CHODL: variants seen among roughly 807,000 people sequenced by gnomAD.
CHODL encodes transmembrane protein MT75.
Under a neutral mutation model 34.5 loss-of-function variants are expected in CHODL, and 29 were observed. The observed-to-expected ratio is 0.84, with a 90% confidence interval of 0.63 to 1.15. The LOEUF (loss-of-function observed/expected upper bound fraction) is 1.15, where lower values mean the gene tolerates loss of function less well. Among genes scored for constraint, CHODL ranks in the 50% most tolerant of loss-of-function variants. The pLI is 0.00. For synonymous variants in CHODL, 125 were observed against 116.1 expected, an observed-to-expected ratio of 1.08 and a Z score of -0.49; for missense variants, 332 against 332.5, an observed-to-expected ratio of 1.00 and a Z score of 0.01.
At chr21:18,206,270 T>C (rs2073710704) in intron 2 of CHODL, among the ~76,000 whole-genome samples, 1 of 152,194 alleles carries the variant, frequency 6.6e-6, no homozygotes, top group African/African-American at 2.4e-5. Context: ...GAAGTTGATC[T>C]CTCTCATTAG....
intron 1 of CHODL, among the ~76,000 whole-genome samples, chr21:17,941,909 G>A (rs2146331644): frequency 6.6e-6 from 1 of 152,192 alleles, no homozygotes; most frequent in East Asian, 1.9e-4. Context: ...TTGGTGGAAG[G>A]GTGATGCCAC....
Position 18,023,393 on chromosome 21 carries a change from C to T in CHODL, c.-144-4479C>T, listed in dbSNP as rs144516679. 3.8e-3 allele frequency among the ~76,000 whole-genome samples: 575 copies of T among 152,170 alleles called. 6 individuals carry two copies. Among genetic ancestry groups the T allele is most frequent in the African/African-American group, 0.013 (545 of 41,526 alleles). ...GAGCCAGTTCCAGCTGGTAGTCATA[C>T]AGGATGAGGCCACCCTGCAGAGATG... On this transcript the variant is annotated intron_variant, in intron 1 of 6. Transcript: ENST00000400127.
intron 2 of CHODL, among the ~76,000 whole-genome samples, chr21:18,150,536 C>T (rs2072951089): frequency 6.6e-6 from 1 of 152,098 alleles, no homozygotes; most frequent in African/African-American, 2.4e-5. Flanking sequence ...TTCCGGGTTG[C>T]AGATTGATGA....
chr21:18,120,839 T>A (rs1304119677), intron 2 of CHODL, among the ~76,000 whole-genome samples: 2 of 152,130 alleles, frequency 1.3e-5, no homozygotes, highest in African/African-American at 4.8e-5. Flanking sequence ...TGTGTTCAAA[T>A]TGCCTGTGCC....
chr21:17,966,429 T>A (rs1463699933), intron 1 of CHODL, among the ~76,000 whole-genome samples: 1 of 152,314 alleles, frequency 6.6e-6, no homozygotes, highest in South Asian at 2.1e-4. Flanking sequence ...AGAAAAATTG[T>A]TTGCCTTGCA....
intron 1 of CHODL, chr21:18,245,827 C>A: frequency 8.1e-7 from 1 of 1,232,582 alleles, no homozygotes; most frequent in Non-Finnish European, 1.1e-6. Flanking sequence ...AGCAGGACTA[C>A]TGGCAAGGAA....
chr21:17,974,335 C>T (rs887184194), intron 1 of CHODL, among the ~76,000 whole-genome samples: 11 of 152,132 alleles, frequency 7.2e-5, no homozygotes, highest in East Asian at 5.8e-4. Flanking sequence ...TGCAATGGTG[C>T]GGTCTTGGCT....
intron 1 of CHODL, among the ~76,000 whole-genome samples, chr21:18,010,857 A>C (rs939539814): frequency 6.6e-6 from 1 of 152,246 alleles, no homozygotes; most frequent in Non-Finnish European, 1.5e-5. Context: ...TGTTTGTTTA[A>C]GCAAGGTAAA....
At chr21:17,966,595 T>G (rs2063573737) in intron 1 of CHODL, among the ~76,000 whole-genome samples, 1 of 152,208 alleles carries the variant, frequency 6.6e-6, no homozygotes, top group African/African-American at 2.4e-5. Flanking sequence ...AGGCAGGGTG[T>G]AAGCCTCTGC....
At chr21:18,119,613 T>G (rs1211189840) in intron 2 of CHODL, among the ~76,000 whole-genome samples, 1 of 152,126 alleles carries the variant, frequency 6.6e-6, no homozygotes, top group Non-Finnish European at 1.5e-5. Flanking sequence ...TGTCTAAGCT[T>G]TGGGACTTGA....
chr21:18,189,539 G>A (rs2073485967), intron 2 of CHODL, among the ~76,000 whole-genome samples: 1 of 151,938 alleles, frequency 6.6e-6, no homozygotes, highest in South Asian at 2.1e-4. Flanking sequence ...GCATGGGAGG[G>A]AGTTTTATGA....
At chr21:18,074,186 G>C (rs773292854) in intron 2 of CHODL, among the ~76,000 whole-genome samples, 1 of 152,102 alleles carries the variant, frequency 6.6e-6, no homozygotes, top group Non-Finnish European at 1.5e-5. Context: ...TGATGGAAAA[G>C]ATCTCATTTT....
Position 18,174,121 on chromosome 21 carries a change from G to GTATATATATATA in CHODL, c.-44-82387_-44-82386insATATATATATAT, listed in dbSNP as rs1491107369. On this transcript the variant is annotated intron_variant, in intron 2 of 6. Transcript: ENST00000400127. The stretch of plus-strand genomic sequence containing the variant: ...AGGATATATATATATATATATCTTG[G>GTATATATATATA]TGTATATATATATATATATATATAT... 3.3e-4 allele frequency among the ~76,000 whole-genome samples: 20 copies of GTATATATATATA among 60,856 alleles called. 2 individuals carry two copies. The highest frequency in any genetic ancestry group is 2.3e-3 in the East Asian group (5 of 2,154). The allele number at this position is 60,856 out of a possible 152,430, so 39.9% of individuals were successfully genotyped here. A position where few individuals can be genotyped will look rare whatever the true frequency, so the allele number is the denominator to read the frequency against.
chr21:18,060,090 C>G (rs1273016980), intron 2 of CHODL, among the ~76,000 whole-genome samples: 3 of 152,102 alleles, frequency 2.0e-5, no homozygotes, highest in African/African-American at 7.2e-5. Flanking sequence ...GAAGTCCCCC[C>G]ACTGATCGCT....
chr21:17,972,443 G>A (rs564309415), intron 1 of CHODL, among the ~76,000 whole-genome samples: 1 of 152,296 alleles, frequency 6.6e-6, no homozygotes, highest in East Asian at 1.9e-4. Flanking sequence ...CTTCAGCAAA[G>A]TCTCAGGATA....
intron 1 of CHODL, among the ~76,000 whole-genome samples, chr21:18,252,463 A>G (rs768533405): frequency 2.0e-5 from 3 of 152,144 alleles, no homozygotes; most frequent in African/African-American, 4.8e-5. Flanking sequence ...AATTAGGGCA[A>G]CATTTGTTTC....
At chr21:18,030,134 T>C (rs369799025) in intron 2 of CHODL, among the ~76,000 whole-genome samples, 12 of 152,210 alleles carry the variant, frequency 7.9e-5, no homozygotes, top group African/African-American at 2.9e-4. Flanking sequence ...TTCTAACTAA[T>C]AGGATATGGC....
At chr21:18,003,277 T>C (rs1160643321) in intron 1 of CHODL, among the ~76,000 whole-genome samples, 1 of 151,786 alleles carries the variant, frequency 6.6e-6, no homozygotes, top group African/African-American at 2.4e-5. Context: ...TGATGGATCA[T>C]ATATAGTGAC....
chr21:17,931,979 C>T (rs747796386), intron 1 of CHODL, among the ~76,000 whole-genome samples: 1 of 152,136 alleles, frequency 6.6e-6, no homozygotes, highest in East Asian at 1.9e-4. Context: ...TAAAAAGCAT[C>T]TGCCAGCAAA....
Sources: allele counts gnomAD v4.1 joint callset (sites outside exome capture counted in the v4.1 genomes callset), GRCh38; gene constraint gnomAD v4.1.1; transcripts MANE v1.5; gene names NCBI Gene and HGNC (gene_info 2026-07-23, HGNC 2026-07-21).